TTC31: variants seen among roughly 807,000 people sequenced by gnomAD.
TTC31 encodes tetratricopeptide repeat domain 31.
In TTC31, 59 loss-of-function variants were observed where a neutral mutation model predicts 60.4. The observed-to-expected ratio is 0.98, with a 90% CI of 0.79 to 1.21. TTC31 has a LOEUF of 1.21. Among genes scored for constraint, TTC31 ranks in the 50% most tolerant of loss-of-function variants. The pLI is 0.00. For synonymous variants in TTC31, 225 were observed against 249.6 expected (o/e 0.90, Z 0.93); for missense variants, 672 against 646.9 (o/e 1.04, Z -0.42).
chr2:74,483,291 G>T (rs748446505), intron 1 of TTC31, 31 bp from the exon 2 acceptor site: 6 of 1,613,572 alleles, frequency 3.7e-6, no homozygotes, highest in Non-Finnish European at 5.1e-6. Context: ...TCCCGAGCCC[G>T]CTGACGAGGC....
In TTC31 at chr2:74,492,676, G is replaced by A; in HGVS notation, c.1192G>A (p.Glu398Lys). The A allele has an allele frequency of 6.2e-7, 1 of 1,614,156 alleles. No individual in the cohort carries two copies. Among genetic ancestry groups the A allele is most frequent in the Non-Finnish European group, 8.5e-7 (1 of 1,180,026 alleles). ...CAGAGAGGCAGCTGCTGTGTTTCAG[G>A]AAACTCTGAGAGGTGGGTCCCAGCC... Reference protein sequence around the residue: ...RFREAAAVFQETLRGGSQPDA... With the variant: ...RFREAAAVFQKTLRGGSQPDA... The change falls in exon 12 of 13, where the codon GAA becomes AAA. Residue 398 changes from glutamate to lysine, a missense_variant. Physicochemically the swap from Glu to Lys is moderately conservative, Grantham distance 56 (BLOSUM62 1). Coordinates refer to ENST00000233623, the MANE Select transcript of TTC31 (RefSeq NM_022492.6).
At chr2:74,488,317 T>C (rs1673380687) in intron 2 of TTC31, among the ~76,000 whole-genome samples, 1 of 152,198 alleles carries the variant, frequency 6.6e-6, no homozygotes, top group South Asian at 2.1e-4. Context: ...ACCTTAGTCA[T>C]CTGAAGTCCT....
At position 74,494,553 on chromosome 2, in the gene TTC31, T is replaced by G. The variant is rs920374142; in HGVS notation, c.*1335T>G. Reference sequence around the variant, plus strand: ...TGGGTGCTAAATAAACCACTTTTTGTCTGCAACTGTCCTACATAGTCATGC... The same window carrying G: ...TGGGTGCTAAATAAACCACTTTTTGGCTGCAACTGTCCTACATAGTCATGC... On this transcript the variant is annotated 3_prime_UTR_variant, in exon 13 of 13. Transcript: ENST00000233623. The G allele has an allele frequency of 6.6e-6, 1 of 151,094 alleles. No homozygotes were observed. The highest frequency in any genetic ancestry group is 2.4e-5 in the African/African-American group (1 of 41,376). 9.4% of individuals were successfully genotyped at this position (151,094 alleles called of 1,614,324 possible).
Position 74,492,027 on chromosome 2 carries a change from T to C in TTC31, c.900T>C (p.Ala300=), listed in dbSNP as rs111251185. 9,515 of 1,614,244 alleles carry C rather than the reference T, an allele frequency of 5.9e-3. 63 individuals carry two copies. The highest frequency in any genetic ancestry group is 0.017 in the African/African-American group (1,246 of 75,062). Residue 300 remains alanine (A), a synonymous_variant, in exon 9 of 13, where the codon GCT becomes GCC. Coordinates refer to ENST00000233623, the MANE Select transcript of TTC31 (RefSeq NM_022492.6). The part of the protein sequence containing the change: ...KVQASPGLLA[A]ALQQSQELAK... The stretch of plus-strand genomic sequence containing the variant: ...AGGCATCTCCGGGACTGCTGGCAGC[T>C]GCCTTACAACAGAGCCAGGAACTGG...
rs1334251985 is a variant in TTC31, at chr2:74,493,445, GA to G, written c.*232del. 21 of 534,780 alleles carry G rather than the reference GA, an allele frequency of 3.9e-5. No homozygotes were observed. Among genetic ancestry groups the G allele is most frequent in the Middle Eastern group, 4.8e-4 (1 of 2,078 alleles). The allele number at this position is 534,780 out of a possible 1,614,324, so 33.1% of individuals were successfully genotyped here. On this transcript the variant is annotated 3_prime_UTR_variant, in exon 13 of 13. Coordinates refer to ENST00000233623, the MANE Select transcript of TTC31 (RefSeq NM_022492.6). ...TCAAGCTTCTTCTGGAGGCAGTAAG[GA>G]AAAATAAAACCCACCAAGGCTCAAG...
chr2:74,487,122 A>G (rs761757155), intron 2 of TTC31, among the ~76,000 whole-genome samples: 1 of 152,218 alleles, frequency 6.6e-6, no homozygotes, highest in Non-Finnish European at 1.5e-5. Context: ...TCACAATGAT[A>G]TTGGGGGACC....
At chr2:74,491,407 T>A in intron 7 of TTC31, 32 bp downstream of exon 7, 1 of 1,614,152 alleles carries the variant, frequency 6.2e-7, no homozygotes, top group Non-Finnish European at 8.5e-7. Context: ...TCTTGGTCTC[T>A]GCTCATTTTC....
At chr2:74,491,976 C>G (rs748663956) in intron 8 of TTC31, 28 bp from the exon 9 acceptor site, 14 of 1,614,114 alleles carry the variant, frequency 8.7e-6, no homozygotes, top group Non-Finnish European at 1.1e-5. Context: ...GACCTCAAGA[C>G]CTGCTTGACT....
intron 11 of TTC31, 93 bp downstream of exon 11, chr2:74,492,538 A>G: frequency 6.5e-7 from 1 of 1,541,404 alleles, no homozygotes; most frequent in Non-Finnish European, 8.8e-7. Flanking sequence ...TTCTAGTACC[A>G]AAGTGTCACA....
In TTC31 at chr2:74,492,373, G is replaced by A. The variant is rs1674019036; in HGVS notation, c.1089G>A (p.Gln363=). Residue 363 remains glutamine (Q), a synonymous_variant, in exon 11 of 13, where the codon CAG becomes CAA. Coordinates refer to ENST00000233623, the MANE Select transcript of TTC31 (RefSeq NM_022492.6). ...CAGCGTGGGCCCTGGCTGATGCCCA[G>A]GTGGCCCTTACCCTACGGCCTGGCT... ...GQPAWALADA[Q]VALTLRPGWP... is the part of the protein sequence containing the mutation. The A allele has an allele frequency of 6.5e-7, 1 of 1,547,422 alleles. No homozygotes were observed.
Position 74,483,381 on chromosome 2 carries a change from G to T in TTC31, c.100G>T (p.Glu34Ter). The change falls in exon 2 of 13, where the codon GAA (glutamate) becomes TAA (stop). Residue 34 changes from glutamate to a stop codon, truncating the protein, a stop_gained. Coordinates refer to ENST00000233623, the MANE Select transcript of TTC31 (RefSeq NM_022492.6). LOFTEE classifies it high-confidence loss of function. ...EVAAAPKLCK[E>*]FGPEDYGEED... The stretch of plus-strand genomic sequence containing the variant: ...CGCTGCTGCACCCAAACTTTGCAAG[G>T]AATTCGGTCCAGAGGATTACGGCGA... The T allele has an allele frequency of 4.3e-6, 7 of 1,614,108 alleles. No homozygotes were observed. Among genetic ancestry groups the T allele is most frequent in the Non-Finnish European group, 5.9e-6 (7 of 1,180,014 alleles).
intron 5 of TTC31, 36 bp from the exon 6 acceptor site, chr2:74,491,092 G>A (rs139973935): frequency 6.2e-7 from 1 of 1,613,868 alleles, no homozygotes; most frequent in Admixed American, 1.7e-5. Context: ...TACAGTAAGT[G>A]TTCAAAATAC....
chr2:74,483,208 G>C, intron 1 of TTC31, 73 bp downstream of exon 1: 1 of 1,613,752 alleles, frequency 6.2e-7, no homozygotes, highest in Non-Finnish European at 8.5e-7. Flanking sequence ...CCTGTGGTCT[G>C]AACGTTTCGA....
chr2:74,483,217 G>A (rs1281207268), intron 1 of TTC31, 82 bp downstream of exon 1: 1 of 1,613,580 alleles, frequency 6.2e-7, no homozygotes, highest in Non-Finnish European at 8.5e-7. Flanking sequence ...TGAACGTTTC[G>A]AGTAGGATTT....
rs758444530 is a variant in TTC31 at position 74,493,596 on chromosome 2, C to T, written c.*378C>T. 3.6e-4 allele frequency: 66 copies of T among 183,192 alleles called. No individual in the cohort carries two copies. The highest frequency in any genetic ancestry group is 7.1e-4 in the Non-Finnish European group (62 of 87,890). The allele number at this position is 183,192 out of a possible 1,614,324, so 11.3% of individuals were successfully genotyped here. A position where few individuals can be genotyped will look rare whatever the true frequency, so the allele number is the denominator to read the frequency against. ...CCAACTAGAGCTTGGTGTACAGGAA[C>T]GGGGTCACAGTGCTGAGGGGGCTTG... On this transcript the variant is annotated 3_prime_UTR_variant, in exon 13 of 13. Coordinates refer to ENST00000233623, the MANE Select transcript of TTC31 (RefSeq NM_022492.6).
chr2:74,490,207 T>C (rs200132439), intron 3 of TTC31, 37 bp from the exon 4 acceptor site: 27 of 1,612,026 alleles, frequency 1.7e-5, no homozygotes, highest in Non-Finnish European at 2.1e-5. Context: ...CCCGCTCTCA[T>C]GTCCTTTCTT....
Position 74,492,423 on chromosome 2 carries a change from G to A in TTC31, c.1139G>A (p.Gly380Asp), listed in dbSNP as rs1162370206. Residue 380 changes from glycine to aspartate, a missense_variant, in exon 11 of 13, where the codon GGC (glycine) becomes GAC (aspartate). By Grantham distance (94) the Gly-to-Asp change is moderately conservative. Coordinates refer to ENST00000233623, the MANE Select transcript of TTC31 (RefSeq NM_022492.6). Reference protein sequence around the residue: ...PGWPRGLFRLGKALMGLQRFR... With the variant: ...PGWPRGLFRLDKALMGLQRFR... Reference sequence around the variant, plus strand: ...TGGCCCCGGGGCCTCTTCCGCCTGGGCAAGGCCTTGATGGGACTACAGGTA... The same window carrying A: ...TGGCCCCGGGGCCTCTTCCGCCTGGACAAGGCCTTGATGGGACTACAGGTA... 2.6e-6 allele frequency: 4 copies of A among 1,523,164 alleles called. No individual in the cohort carries two copies. In the Admixed American group the frequency reaches 6.6e-5, roughly 25 times the overall value. 94.4% of individuals were successfully genotyped at this position (1,523,164 alleles called of 1,614,324 possible).
At chr2:74,483,756 TGCTTGA>T (rs1672736701) in intron 2 of TTC31, 4 of 449,012 alleles carry the variant, frequency 8.9e-6, no homozygotes, top group Non-Finnish European at 1.4e-5. Flanking sequence ...ACGGGAGGAT[TGCTTGA>T]GCCCAGGAGT....
rs1182883383 is a variant in TTC31 at position 74,493,738 on chromosome 2, T to A, written c.*520T>A. Reference sequence around the variant, plus strand: ...CTCCTCATGCCATTTCCTGTCCAGATTGCTATGTATGACTCTGACCTCTCT... The same window carrying A: ...CTCCTCATGCCATTTCCTGTCCAGAATGCTATGTATGACTCTGACCTCTCT... On this transcript the variant is annotated 3_prime_UTR_variant, in exon 13 of 13. Transcript: ENST00000233623. The A allele has an allele frequency of 6.4e-6, 1 of 156,204 alleles. No homozygotes were observed. The highest frequency in any genetic ancestry group is 1.4e-5 in the Non-Finnish European group (1 of 70,596). The allele number at this position is 156,204 out of a possible 1,614,324, so 9.7% of individuals were successfully genotyped here.
Sources: gnomAD v4.1 joint callset for allele counts (sites outside exome capture counted in the v4.1 genomes callset) on GRCh38, gnomAD v4.1.1 for gene constraint, MANE v1.5 for transcripts, NCBI Gene and HGNC (gene_info 2026-07-23, HGNC 2026-07-21) for gene names.